The following TUBA3E variants were observed in gnomAD, a reference collection of about 807,000 sequenced individuals.
TUBA3E encodes the protein tubulin alpha 3e.
Under a neutral mutation model 36.7 loss-of-function variants are expected in TUBA3E, and 21 were observed. The observed-to-expected ratio is 0.57, with a 90% CI of 0.41 to 0.83. The LOEUF (loss-of-function observed/expected upper bound fraction) is 0.83. TUBA3E is among the 40% of genes least tolerant of loss of function. The probability of loss-of-function intolerance (pLI) is 0.00; values close to 1 mark genes in which losing one functional copy is unlikely to be tolerated. For synonymous variants in TUBA3E, 177 were observed against 241.9 expected (o/e 0.73, Z 2.49); for missense variants, 469 against 604.2 (o/e 0.78, Z 2.35).
At position 130,196,327 on chromosome 2, in the gene TUBA3E, G is replaced by A. The variant is rs777258002; in HGVS notation, c.48C>T (p.Ile16=). Reference sequence around the variant, plus strand: ...AGTACAGTTCCCAGCAGGCATTGCCGATCTGGACACCCGCCTGCCCCACGT... The same window carrying A: ...AGTACAGTTCCCAGCAGGCATTGCCAATCTGGACACCCGCCTGCCCCACGT... ...SIHVGQAGVQ[I]GNACWELYCL... is the part of the protein sequence containing the mutation. The change falls in exon 2 of 5, where the codon ATC becomes ATT. Residue 16 remains isoleucine, a synonymous_variant. Transcript: ENST00000312988. 6.8e-6 allele frequency: 11 copies of A among 1,614,030 alleles called. No individual in the cohort carries two copies. The highest frequency in any genetic ancestry group is 4.0e-5 in the African/African-American group (3 of 75,052).
chr2:130,198,214 C>T (rs1690459541), intron 1 of TUBA3E, 144 bp downstream of exon 1: 2 of 943,386 alleles, frequency 2.1e-6, no homozygotes, highest in Non-Finnish European at 2.9e-6. Context: ...GGAAACGATC[C>T]CGTGTCCTCC....
intron 2 of TUBA3E, among the ~76,000 whole-genome samples, chr2:130,195,431 T>C (rs2104753262): frequency 6.6e-6 from 1 of 152,364 alleles, no homozygotes; most frequent in South Asian, 2.1e-4. Context: ...TCTACGACGT[T>C]AAACTCAGCT....
At position 130,192,875 on chromosome 2, in the gene TUBA3E, C is replaced by T. The variant is rs1473657809; in HGVS notation, c.1057-748G>A. Among the ~76,000 whole-genome samples the T allele has an allele frequency of 5.3e-5, 8 of 152,148 alleles. No individual in the cohort carries two copies. The South Asian group carries it at 1.2e-3, about 24-fold the overall frequency. Reference sequence around the variant, plus strand: ...CTTTGGGAGACAGGCGGGCAGATCACGTGAGGCCAGGGGTTTGAGACCAGC... The same window carrying T: ...CTTTGGGAGACAGGCGGGCAGATCATGTGAGGCCAGGGGTTTGAGACCAGC... On this transcript the variant is annotated intron_variant, in intron 4 of 4. Transcript: ENST00000312988.
rs375882916 is a variant in TUBA3E at position 130,195,094 on chromosome 2, G to T, written c.360C>A (p.Asp120Glu). ...CTCTTCTTACCAGTTTGCGGATCCG[G>T]TCCAGGACTAGGTCAACAATCTCCT... is the stretch of plus-strand genomic sequence containing the variant. ...IGKEIVDLVL[D>E]RIRKLADLCT... Residue 120 changes from aspartate (D) to glutamate (E), a missense_variant, in exon 3 of 5, where the codon GAC becomes GAA. Coordinates refer to ENST00000312988, the MANE Select transcript of TUBA3E (RefSeq NM_207312.3). The T allele has an allele frequency of 8.7e-6, 14 of 1,613,020 alleles. No individual in the cohort carries two copies. The highest frequency in any genetic ancestry group is 8.5e-7 in the Non-Finnish European group (1 of 1,179,436).
intron 4 of TUBA3E, among the ~76,000 whole-genome samples, chr2:130,192,648 G>A (rs1230771238): frequency 2.0e-5 from 3 of 152,210 alleles, no homozygotes; most frequent in South Asian, 2.1e-4. Context: ...GGTCGAAGTG[G>A]TCCATGTGCC....
At chr2:130,193,590 C>T (rs1166400774) in intron 4 of TUBA3E, among the ~76,000 whole-genome samples, 196 bp downstream of exon 4, 1 of 123,794 alleles carries the variant, frequency 8.1e-6, no homozygotes, top group Non-Finnish European at 1.6e-5. Context: ...GCCTGGTCGA[C>T]AGAGCAAGAC....
chr2:130,192,695 A>G (rs1036167258), intron 4 of TUBA3E, among the ~76,000 whole-genome samples: 8 of 152,196 alleles, frequency 5.3e-5, no homozygotes, highest in Admixed American at 1.3e-4. Flanking sequence ...GGTGGTAACC[A>G]AAGGGGAAGC....
In TUBA3E at chr2:130,196,219, G is replaced by A. The variant is rs1352664110; in HGVS notation, c.156C>T (p.Phe52=). The A allele has an allele frequency of 6.2e-6, 10 of 1,613,986 alleles. No homozygotes were observed. In the East Asian group the frequency reaches 2.0e-4, roughly 32 times the overall value. ...GCTTGCCAGCTCCAGTCTCACTGAA[G>A]AACGTGTTGAAGGAGTCGTCCCCGC... ...IGGGDDSFNT[F]FSETGAGKHV... The change falls in exon 2 of 5, where the codon TTC becomes TTT. Residue 52 remains phenylalanine (F), a synonymous_variant. Transcript: ENST00000312988.
Position 130,196,390 on chromosome 2 carries a change from A to G in TUBA3E, c.4-19T>C. 15 of 1,605,356 alleles carry G rather than the reference A, an allele frequency of 9.3e-6. No individual in the cohort carries two copies. Among genetic ancestry groups the G allele is most frequent in the Non-Finnish European group, 1.3e-5 (15 of 1,173,000 alleles). On this transcript the variant is annotated intron_variant, in intron 1 of 4. Coordinates refer to ENST00000312988, the MANE Select transcript of TUBA3E (RefSeq NM_207312.3). ...ACTCGCGCTGTGAACCGGAACATAA[A>G]TGTGAACCCATTCATTTCAAGGCAA...
In TUBA3E at chr2:130,196,259, T is replaced by C; in HGVS notation, c.116A>G (p.Asp39Gly). 1 of 1,614,050 alleles carries C rather than the reference T, an allele frequency of 6.2e-7. No homozygotes were observed. The highest frequency in any genetic ancestry group is 1.1e-5 in the South Asian group (1 of 91,082). Residue 39 changes from aspartate (D) to glycine (G), a missense_variant, in exon 2 of 5, where the codon GAT becomes GGT. Physicochemically the swap from Asp to Gly is moderately conservative, Grantham distance 94. Coordinates refer to ENST00000312988, the MANE Select transcript of TUBA3E (RefSeq NM_207312.3). ...GTCGTCCCCGCCACCAATGGTTTTA[T>C]CACTTGGCATTTGACCATCGGGCTG... ...GIQPDGQMPS[D>G]KTIGGGDDSF...
At chr2:130,195,544 G>T (rs900779217) in intron 2 of TUBA3E, among the ~76,000 whole-genome samples, 3 of 152,194 alleles carry the variant, frequency 2.0e-5, no homozygotes, top group Non-Finnish European at 4.4e-5. Flanking sequence ...TACATCAAAG[G>T]CTGTAAGTTA....
chr2:130,198,333 G>C (rs201639414), intron 1 of TUBA3E, 25 bp downstream of exon 1: 1 of 1,353,236 alleles, frequency 7.4e-7, no homozygotes, highest in Non-Finnish European at 1.0e-6. Context: ...GGGCATCTGC[G>C]GGGCGGGAGT....
At chr2:130,197,586 G>A (rs1422593264) in intron 1 of TUBA3E, among the ~76,000 whole-genome samples, 1 of 127,376 alleles carries the variant, frequency 7.9e-6, no homozygotes, top group African/African-American at 2.7e-5. Flanking sequence ...TGGGACTTGG[G>A]AATCTGTTAT....
In TUBA3E at chr2:130,193,775, C is replaced by G; in HGVS notation, c.1056+11G>C. The G allele has an allele frequency of 6.3e-7, 1 of 1,592,554 alleles. No individual in the cohort carries two copies. The highest frequency in any genetic ancestry group is 1.3e-5 in the African/African-American group (1 of 74,702). ...TGCTTGCTGAAAGGCCTCCATGTCA[C>G]CCAGTCATACCTTAAATCCAGTCGG... On this transcript the variant is annotated intron_variant, in intron 4 of 4. Coordinates refer to ENST00000312988, the MANE Select transcript of TUBA3E (RefSeq NM_207312.3).
At chr2:130,193,080 A>C (rs1282080961) in intron 4 of TUBA3E, among the ~76,000 whole-genome samples, 1 of 142,372 alleles carries the variant, frequency 7.0e-6, no homozygotes, top group African/African-American at 2.7e-5. Flanking sequence ...ACGACAGAGC[A>C]AGATTGTCTC....
At chr2:130,194,488 G>A (rs1353155888) in intron 3 of TUBA3E, 22 bp from the exon 4 acceptor site, 2 of 1,522,078 alleles carry the variant, frequency 1.3e-6, no homozygotes, top group East Asian at 2.3e-5. Context: ...CAGACAACGT[G>A]AGCCAATGCC....
Position 130,193,909 on chromosome 2 carries a change from C to G in TUBA3E, c.933G>C (p.Lys311Asn). 6.2e-7 allele frequency: 1 copy of G among 1,614,268 alleles called. No homozygotes were observed. The highest frequency in any genetic ancestry group is 8.5e-7 in the Non-Finnish European group (1 of 1,180,046). ...QMVKCDPRHG[K>N]YMACCMLYRG... ...TGTACAACATGCAGCAGGCCATGTA[C>G]TTGCCATGGCGAGGGTCACACTTGA... The change falls in exon 4 of 5, where the codon AAG becomes AAC. Residue 311 changes from lysine (K) to asparagine (N), a missense_variant. This residue lies in a region of TUBA3E where 296 missense variants were observed against 346.9 expected (regional missense o/e 0.85). Coordinates refer to ENST00000312988, the MANE Select transcript of TUBA3E (RefSeq NM_207312.3).
intron 4 of TUBA3E, among the ~76,000 whole-genome samples, chr2:130,192,910 A>T (rs1403237109): frequency 2.6e-5 from 4 of 152,198 alleles, no homozygotes; most frequent in Non-Finnish European, 5.9e-5. Flanking sequence ...CCTGGCCAAC[A>T]TGGCAAAATC....
chr2:130,197,219 G>A (rs1177428873), intron 1 of TUBA3E, among the ~76,000 whole-genome samples: 5 of 152,172 alleles, frequency 3.3e-5, no homozygotes, highest in Non-Finnish European at 1.5e-5. Context: ...GCTGGGTGTG[G>A]TGGCTCATTC....
Sources: gnomAD v4.1 joint callset for allele counts (sites outside exome capture counted in the v4.1 genomes callset) on GRCh38, gnomAD v4.1.1 for gene constraint, gnomAD v4.1.1 regional missense constraint, MANE v1.5 for transcripts, NCBI Gene and HGNC (gene_info 2026-07-23, HGNC 2026-07-21) for gene names.